Variants in IL1RL2 observed in about 807,000 individuals in gnomAD.
IL1RL2 encodes interleukin-1 receptor-like 2.
A neutral mutation model predicts 66.8 loss-of-function variants in IL1RL2; 68 were observed. The observed-to-expected ratio is 1.02, with a 90% CI of 0.84 to 1.25. IL1RL2 has a LOEUF of 1.25. Ranked by LOEUF, IL1RL2 falls within the 50% of genes most tolerant of loss-of-function variation. The probability of loss-of-function intolerance (pLI) is 0.00; values close to 1 mark genes in which losing one functional copy is unlikely to be tolerated. For missense variants in IL1RL2, 729 were observed against 709.3 expected, an observed-to-expected ratio of 1.03 and a Z score of -0.32; for synonymous variants, 305 against 264.6, an observed-to-expected ratio of 1.15 and a Z score of -1.48.
intron 5 of IL1RL2, among the ~76,000 whole-genome samples, chr2:102,204,330 G>A (rs974561302): frequency 8.5e-5 from 13 of 152,094 alleles, no homozygotes; most frequent in African/African-American, 3.1e-4. Context: ...TGATCCATGT[G>A]CTAAGGAAAA....
rs140532168 is a variant in IL1RL2 at position 102,220,003 on chromosome 2, T to C, written c.977T>C (p.Ile326Thr). The change falls in exon 8 of 12, where the codon ATA (isoleucine) becomes ACA (threonine). Residue 326 changes from isoleucine (I) to threonine (T), a missense_variant. Physicochemically the swap from Ile to Thr is moderately conservative, Grantham distance 89. Coordinates refer to ENST00000264257, the MANE Select transcript of IL1RL2 (RefSeq NM_003854.4). ...CHAGVSTAYI[I>T]LQLPAPDFRA... ...GCTGGAGTGTCCACAGCATACATTATATTACAGCTCCCAGGTAATACTCCA... is the reference window on the plus strand; with the variant it reads ...GCTGGAGTGTCCACAGCATACATTACATTACAGCTCCCAGGTAATACTCCA... 2.5e-5 allele frequency: 41 copies of C among 1,611,966 alleles called. No individual in the cohort carries two copies. In the African/African-American group the frequency reaches 4.1e-4, roughly 16 times the overall value.
intron 5 of IL1RL2, among the ~76,000 whole-genome samples, chr2:102,203,238 T>C (rs1688423481): frequency 6.6e-6 from 1 of 152,252 alleles, no homozygotes; most frequent in Non-Finnish European, 1.5e-5. Flanking sequence ...CATTTGGTCA[T>C]GATGAATGAT....
intron 10 of IL1RL2, among the ~76,000 whole-genome samples, chr2:102,234,183 T>G (rs963356012): frequency 6.6e-6 from 1 of 152,252 alleles, no homozygotes; most frequent in Non-Finnish European, 1.5e-5. Flanking sequence ...AAAACACAGA[T>G]TCAAGATTAA....
intron 4 of IL1RL2, among the ~76,000 whole-genome samples, chr2:102,195,594 T>G (rs1241107470): frequency 1.2e-4 from 2 of 17,262 alleles, no homozygotes; most frequent in African/African-American, 3.4e-4. Context: ...TCTTTCTTTC[T>G]TTCTTTCTTT....
At chr2:102,224,417 G>A (rs1690418413) in intron 8 of IL1RL2, among the ~76,000 whole-genome samples, 1 of 152,162 alleles carries the variant, frequency 6.6e-6, no homozygotes, top group Non-Finnish European at 1.5e-5. Context: ...GTCATTTGCA[G>A]CAAAGTGGAT....
chr2:102,237,745 A>G (rs2104908950), intron 11 of IL1RL2, among the ~76,000 whole-genome samples: 1 of 152,352 alleles, frequency 6.6e-6, no homozygotes, highest in Admixed American at 6.5e-5. Flanking sequence ...ATCACCGCTG[A>G]CATGTAGGCA....
At chr2:102,222,488 G>C (rs1416839831) in intron 8 of IL1RL2, among the ~76,000 whole-genome samples, 1 of 152,138 alleles carries the variant, frequency 6.6e-6, no homozygotes, top group African/African-American at 2.4e-5. Flanking sequence ...TTTACTGATA[G>C]GCGATGAAAT....
At chr2:102,203,652 G>T (rs576441650) in intron 5 of IL1RL2, among the ~76,000 whole-genome samples, 2 of 152,092 alleles carry the variant, frequency 1.3e-5, no homozygotes, top group South Asian at 4.2e-4. Flanking sequence ...GGTTGTATTT[G>T]TCTAGGAATT....
At position 102,219,036 on chromosome 2, in the gene IL1RL2, G is replaced by C. The variant is rs1262136865; in HGVS notation, c.808G>C (p.Val270Leu). Residue 270 changes from valine (V) to leucine (L), a missense_variant, in exon 7 of 12, where the codon GTG becomes CTG. Val to Leu is a conservative substitution (Grantham distance 32). Coordinates refer to ENST00000264257, the MANE Select transcript of IL1RL2 (RefSeq NM_003854.4). Reference sequence around the variant, plus strand: ...ATGCTGGAGAGTCAATAACACTTTGGTGGATGATTACTATGATGAATCCAA... The same window carrying C: ...ATGCTGGAGAGTCAATAACACTTTGCTGGATGATTACTATGATGAATCCAA... ...LRCWRVNNTL[V>L]DDYYDESKRI... 1 of 1,613,848 alleles carries C rather than the reference G, an allele frequency of 6.2e-7. No individual in the cohort carries two copies. The highest frequency in any genetic ancestry group is 2.2e-5 in the East Asian group (1 of 44,884).
intron 4 of IL1RL2, among the ~76,000 whole-genome samples, chr2:102,196,728 G>T (rs1687818458): frequency 6.6e-6 from 1 of 152,184 alleles, no homozygotes; most frequent in African/African-American, 2.4e-5. Flanking sequence ...GGCAAGGAAG[G>T]TCAGTAATTA....
chr2:102,240,361 CTTTTTTTTTT>C (rs551743835), downstream of IL1RL2, among the ~76,000 whole-genome samples: 21 of 79,772 alleles, frequency 2.6e-4, no homozygotes, highest in African/African-American at 5.8e-4. Flanking sequence ...TCTTCTCCTC[CTTTTTTTTTT>C]TTTTTTTTTT....
At chr2:102,187,278 C>T in intron 1 of IL1RL2, 192 bp downstream of exon 1, 1 of 1,175,998 alleles carries the variant, frequency 8.5e-7, no homozygotes, top group Non-Finnish European at 1.1e-6. Context: ...GAGTGGAGCT[C>T]GCGGCTATTT....
At position 102,195,615 on chromosome 2, in the gene IL1RL2, TTCTTTCTTTCTTTC is replaced by T. The variant is rs1224496959; in HGVS notation, c.489+3499_489+3512del. ...TTTCTTTCTTTCTTTCTTTCTTTCT[TTCTTTCTTTCTTTC>T]TCTCTCTCTCTCTCTCTCTTTCTTT... On this transcript the variant is annotated intron_variant, in intron 4 of 11. Coordinates refer to ENST00000264257, the MANE Select transcript of IL1RL2 (RefSeq NM_003854.4). Among the ~76,000 whole-genome samples the T allele has an allele frequency of 2.1e-3, 34 of 16,190 alleles. 2 individuals carry two copies. Among genetic ancestry groups the T allele is most frequent in the South Asian group, 4.3e-3 (1 of 230 alleles). 10.6% of individuals were successfully genotyped at this position (16,190 alleles called of 152,430 possible). A position where few individuals can be genotyped will look rare whatever the true frequency, so the allele number is the denominator to read the frequency against.
chr2:102,195,534 A>G, intron 4 of IL1RL2, among the ~76,000 whole-genome samples: 1 of 148,262 alleles, frequency 6.7e-6, no homozygotes, highest in African/African-American at 2.5e-5. Flanking sequence ...CCTCTGTAGC[A>G]TTCCCTTATT....
rs528218719 is a variant in IL1RL2 at position 102,202,948 on chromosome 2, C to T, written c.649+1233C>T. 3.3e-5 allele frequency among the ~76,000 whole-genome samples: 5 copies of T among 152,282 alleles called. 1 individual carries two copies. Among genetic ancestry groups the T allele is most frequent in the African/African-American group, 1.2e-4 (5 of 41,570 alleles). On this transcript the variant is annotated intron_variant, in intron 5 of 11. Coordinates refer to ENST00000264257, the MANE Select transcript of IL1RL2 (RefSeq NM_003854.4). ...AACAGTGTTGACAGTGGGCATCCTC[C>T]TCGTGTTCCAGAACTTAGAGGAAAG...
At chr2:102,202,338 A>G (rs1578120460) in intron 5 of IL1RL2, among the ~76,000 whole-genome samples, 1 of 151,690 alleles carries the variant, frequency 6.6e-6, no homozygotes, top group Admixed American at 6.6e-5. Context: ...CATAATAGGT[A>G]TATATATTTA....
intron 4 of IL1RL2, among the ~76,000 whole-genome samples, chr2:102,197,935 T>C (rs1425359000): frequency 6.6e-6 from 1 of 152,206 alleles, no homozygotes; most frequent in African/African-American, 2.4e-5. Flanking sequence ...GCAAGCTACT[T>C]CTGCAGTGTG....
At chr2:102,223,324 T>A (rs1690307878) in intron 8 of IL1RL2, among the ~76,000 whole-genome samples, 1 of 152,128 alleles carries the variant, frequency 6.6e-6, no homozygotes, top group Non-Finnish European at 1.5e-5. Flanking sequence ...CAGATTTGAA[T>A]CTTATTTGGT....
intron 5 of IL1RL2, among the ~76,000 whole-genome samples, chr2:102,205,404 T>C (rs1462363212): frequency 6.6e-6 from 1 of 152,184 alleles, no homozygotes; most frequent in Non-Finnish European, 1.5e-5. Context: ...TTCTTTCTGA[T>C]TGAAGTACTC....
Sources: allele counts gnomAD v4.1 joint callset (sites outside exome capture counted in the v4.1 genomes callset), GRCh38; gene constraint gnomAD v4.1.1; transcripts MANE v1.5; gene names NCBI Gene and HGNC (gene_info 2026-07-23, HGNC 2026-07-21).